Variants in APOBEC1 observed in about 807,000 individuals in gnomAD.
The protein encoded by APOBEC1 is C->U-editing enzyme APOBEC-1.
In APOBEC1, 22 loss-of-function variants were observed where a neutral mutation model predicts 26.3. The ratio of observed to expected loss-of-function variants is 0.84; its 90% CI spans 0.60 to 1.19. The LOEUF is 1.19. Among genes scored for constraint, APOBEC1 ranks in the 50% most tolerant of loss-of-function variants. The probability of loss-of-function intolerance (pLI) is 0.00; values close to 1 mark genes in which losing one functional copy is unlikely to be tolerated. For missense variants in APOBEC1, 253 were observed against 289.0 expected (o/e 0.88, Z 0.90); for synonymous variants, 77 against 95.3 (o/e 0.81, Z 1.12).
chr12:7,652,005 G>C (rs1315634263), intron 3 of APOBEC1, among the ~76,000 whole-genome samples: 1 of 151,840 alleles, frequency 6.6e-6, no homozygotes, highest in Non-Finnish European at 1.5e-5. Flanking sequence ...GTATTTTTTA[G>C]TAGAGACGGG....
In APOBEC1 at chr12:7,649,418, T is replaced by C. The variant is rs1440572725; in HGVS notation, c.*129A>G. The stretch of plus-strand genomic sequence containing the variant: ...CAGAAACTGCCAGAGGTAATACATA[T>C]TTATTGTTGGTTTAAGCTACAGAGT... On this transcript the variant is annotated 3_prime_UTR_variant, in exon 5 of 5. Coordinates refer to ENST00000229304, the MANE Select transcript of APOBEC1 (RefSeq NM_001644.5). 5 of 964,426 alleles carry C rather than the reference T, an allele frequency of 5.2e-6. No homozygotes were observed. The highest frequency in any genetic ancestry group is 7.7e-6 in the Non-Finnish European group (5 of 648,802). 59.7% of individuals were successfully genotyped at this position (964,426 alleles called of 1,614,324 possible). A position where few individuals can be genotyped will look rare whatever the true frequency, so the allele number is the denominator to read the frequency against.
intron 1 of APOBEC1, among the ~76,000 whole-genome samples, chr12:7,659,373 T>TAACACA (rs1555094677): frequency 8.8e-6 from 1 of 114,088 alleles, no homozygotes; most frequent in Non-Finnish European, 1.7e-5. Flanking sequence ...AATTTAAAAA[T>TAACACA]CACACACACA....
intron 2 of APOBEC1, 81 bp from the exon 3 acceptor site, chr12:7,652,916 T>A (rs78510245): frequency 1.5e-4 from 24 of 159,970 alleles, no homozygotes; most frequent in Middle Eastern, 2.4e-3. Context: ...CCTCTTCTTT[T>A]TTTATTTTAT....
In APOBEC1 at chr12:7,665,873, G is replaced by C. The variant is rs1863886805; in HGVS notation, c.-1C>G. 1.2e-6 allele frequency: 2 copies of C among 1,612,428 alleles called. No homozygotes were observed. The highest frequency in any genetic ancestry group is 3.3e-5 in the Admixed American group (2 of 59,766). ...CCATTTTACCTTTCTCAGAAGTCATGGTGCTCTGTCTCTGGACTTCCTCCT... is the reference window on the plus strand; with the variant it reads ...CCATTTTACCTTTCTCAGAAGTCATCGTGCTCTGTCTCTGGACTTCCTCCT... On this transcript the variant is annotated 5_prime_UTR_variant, in exon 1 of 5. Transcript: ENST00000229304.
chr12:7,651,631 AGTT>A (rs1863642571), intron 3 of APOBEC1, among the ~76,000 whole-genome samples: 2 of 134,502 alleles, frequency 1.5e-5, no homozygotes, highest in Admixed American at 7.6e-5. Flanking sequence ...AAAAAAAAAG[AGTT>A]GTTGTTTGTT....
chr12:7,669,687 G>A (rs1167720403), upstream of APOBEC1, among the ~76,000 whole-genome samples: 2 of 152,094 alleles, frequency 1.3e-5, no homozygotes, highest in East Asian at 1.9e-4. Context: ...GATTACAGGT[G>A]TGAGCCACTA....
chr12:7,650,975 A>G (rs779708510), intron 4 of APOBEC1, 48 bp downstream of exon 4: 1 of 1,359,090 alleles, frequency 7.4e-7, no homozygotes, highest in Non-Finnish European at 1.0e-6. Flanking sequence ...ACCTTTGAAG[A>G]AGGATGCTTC....
Position 7,651,055 on chromosome 12 carries a change from A to T in APOBEC1, c.529T>A (p.Leu177Met). ...ATGCAGTGCAGCTCCAGTGCGTACAACATCATCCACAGAGGTGGGTATTGT... is the reference window on the plus strand; with the variant it reads ...ATGCAGTGCAGCTCCAGTGCGTACATCATCATCCACAGAGGTGGGTATTGT... ...WPQYPPLWMM[L>M]YALELHCIIL... The change falls in exon 4 of 5, where the codon TTG becomes ATG. Residue 177 changes from leucine (L) to methionine (M), a missense_variant. Coordinates refer to ENST00000229304, the MANE Select transcript of APOBEC1 (RefSeq NM_001644.5). 3.7e-6 allele frequency: 6 copies of T among 1,614,058 alleles called. No individual in the cohort carries two copies. Among genetic ancestry groups the T allele is most frequent in the Non-Finnish European group, 5.1e-6 (6 of 1,179,900 alleles).
At chr12:7,652,160 G>A (rs977345190) in intron 3 of APOBEC1, among the ~76,000 whole-genome samples, 4 of 152,044 alleles carry the variant, frequency 2.6e-5, no homozygotes, top group Admixed American at 2.0e-4. Flanking sequence ...GTCTCACTAT[G>A]TTGCCCAGGC....
chr12:7,663,320 G>T (rs1863846259), intron 1 of APOBEC1, among the ~76,000 whole-genome samples: 1 of 152,124 alleles, frequency 6.6e-6, no homozygotes, highest in Non-Finnish European at 1.5e-5. Context: ...TGCAGAGAGT[G>T]GTTCTAGCTG....
chr12:7,650,910 TA>T, intron 4 of APOBEC1, 112 bp downstream of exon 4: 1 of 775,590 alleles, frequency 1.3e-6, no homozygotes, highest in Non-Finnish European at 2.2e-6. Flanking sequence ...GTTAAATAAC[TA>T]AATCTCAATA....
At chr12:7,661,808 T>C (rs1382743042) in intron 1 of APOBEC1, among the ~76,000 whole-genome samples, 2 of 152,190 alleles carry the variant, frequency 1.3e-5, no homozygotes, top group Non-Finnish European at 2.9e-5. Flanking sequence ...CAATTGCTGC[T>C]CTTAGGTATA....
At chr12:7,662,241 C>T (rs775848848) in intron 1 of APOBEC1, among the ~76,000 whole-genome samples, 33 of 151,938 alleles carry the variant, frequency 2.2e-4, no homozygotes, top group Admixed American at 4.6e-4. Context: ...CCAGCCTGGG[C>T]GACAGAGCAA....
intron 1 of APOBEC1, among the ~76,000 whole-genome samples, chr12:7,655,376 G>A (rs553743209): frequency 4.6e-5 from 7 of 151,892 alleles, no homozygotes; most frequent in African/African-American, 1.7e-4. Context: ...TTGGCTGGGC[G>A]TGGTGGCGCA....
Position 7,652,856 on chromosome 12 carries a change from C to T in APOBEC1, c.45-21G>A, listed in dbSNP as rs762320087. Reference sequence around the variant, plus strand: ...TTCTCCTGAAATACAAAAAGCAGCCCACACTGTCATGCCACATTTAGAGAG... The same window carrying T: ...TTCTCCTGAAATACAAAAAGCAGCCTACACTGTCATGCCACATTTAGAGAG... On this transcript the variant is annotated intron_variant, in intron 2 of 4. Transcript: ENST00000229304. 6.4e-6 allele frequency: 10 copies of T among 1,552,534 alleles called. No homozygotes were observed. In the East Asian group the frequency reaches 1.8e-4, roughly 28 times the overall value.
At chr12:7,650,045 G>C (rs1387862145) in intron 4 of APOBEC1, among the ~76,000 whole-genome samples, 6 of 151,978 alleles carry the variant, frequency 3.9e-5, no homozygotes, top group Admixed American at 6.6e-5. Flanking sequence ...TCCAACTTCT[G>C]GGCTCAAGCC....
chr12:7,665,388 C>G (rs1372965133), intron 1 of APOBEC1, among the ~76,000 whole-genome samples: 1 of 152,148 alleles, frequency 6.6e-6, no homozygotes, highest in Admixed American at 6.6e-5. Flanking sequence ...ACCTCCGCCT[C>G]CTGTGTTCAA....
At chr12:7,670,087 G>C (rs879315390), upstream of APOBEC1, among the ~76,000 whole-genome samples, 6,555 of 117,296 alleles carry the variant, frequency 0.056, 188 homozygotes, top group African/African-American at 0.066. Context: ...GGGTTCAGGT[G>C]ATTCTCTTGT....
rs868667385 is a variant in APOBEC1, at chr12:7,658,123, G to T, written c.17-3491C>A. On this transcript the variant is annotated intron_variant, in intron 1 of 4. Coordinates refer to ENST00000229304, the MANE Select transcript of APOBEC1 (RefSeq NM_001644.5). ...CCACCACCCAGGCTGGAGTCCAGTG[G>T]TGCAATCTTGGCTCACTGTAAACTT... Among the ~76,000 whole-genome samples, 4 of 152,252 alleles carry T rather than the reference G, an allele frequency of 2.6e-5. 1 individual carries two copies. The Middle Eastern group carries it at 0.014, about 518-fold the overall frequency.
Sources: gnomAD v4.1 joint callset for allele counts (sites outside exome capture counted in the v4.1 genomes callset) on GRCh38, gnomAD v4.1.1 for gene constraint, MANE v1.5 for transcripts, NCBI Gene and HGNC (gene_info 2026-07-23, HGNC 2026-07-21) for gene names.